The following WIPF3 variants were observed in gnomAD, a reference collection of about 807,000 sequenced individuals.
The protein encoded by WIPF3 is WAS/WASL interacting protein family member 3.
A neutral mutation model predicts 38.9 loss-of-function variants in WIPF3; 33 were observed. The observed-to-expected ratio is 0.85, with a 90% CI of 0.64 to 1.14. The LOEUF (loss-of-function observed/expected upper bound fraction) is 1.14. Ranked by LOEUF, WIPF3 falls within the 50% of genes most tolerant of loss-of-function variation. The pLI is 0.00. For synonymous variants in WIPF3, 324 were observed against 269.3 expected, an observed-to-expected ratio of 1.20 and a Z score of -1.99; for missense variants, 711 against 652.5, an observed-to-expected ratio of 1.09 and a Z score of -0.98.
intron 4 of WIPF3, among the ~76,000 whole-genome samples, chr7:29,879,884 C>T (rs1326993579): frequency 6.6e-6 from 1 of 152,130 alleles, no homozygotes; most frequent in Admixed American, 6.6e-5. Context: ...GGAAGTATTA[C>T]TAGGATGTAA....
chr7:29,876,071 T>C, intron 3 of WIPF3, 109 bp downstream of exon 3: 1 of 1,456,618 alleles, frequency 6.9e-7, no homozygotes, highest in Non-Finnish European at 9.3e-7. Context: ...AGGATGCATA[T>C]GGAGCCATCT....
At chr7:29,845,945 C>T (rs1784993163) in intron 2 of WIPF3, among the ~76,000 whole-genome samples, 1 of 152,190 alleles carries the variant, frequency 6.6e-6, no homozygotes, top group Non-Finnish European at 1.5e-5. Flanking sequence ...CCTTGAAAGC[C>T]AGAACAACAT....
chr7:29,892,722 G>A (rs1365312477), intron 7 of WIPF3, among the ~76,000 whole-genome samples: 7 of 152,200 alleles, frequency 4.6e-5, no homozygotes, highest in Admixed American at 2.0e-4. Context: ...GAGAACGGAC[G>A]TGATGAGATG....
chr7:29,814,423 G>A lies in WIPF3; in HGVS notation c.-58+7745G>A, dbSNP rs547430310. Reference sequence around the variant, plus strand: ...AACATTTATTGATTACCTGCTACTCGTGTTTATAGTTTTGTTGCATGGCTA... The same window carrying A: ...AACATTTATTGATTACCTGCTACTCATGTTTATAGTTTTGTTGCATGGCTA... On this transcript the variant is annotated intron_variant, in intron 1 of 8. Transcript: ENST00000242140. 7.2e-5 allele frequency among the ~76,000 whole-genome samples: 11 copies of A among 152,258 alleles called. No individual in the cohort carries two copies. In the South Asian group the frequency reaches 1.4e-3, roughly 20 times the overall value.
At chr7:29,877,538 T>G (rs1185801228) in intron 3 of WIPF3, among the ~76,000 whole-genome samples, 1 of 152,236 alleles carries the variant, frequency 6.6e-6, no homozygotes. Flanking sequence ...TGCCATATTT[T>G]TAACTGCTAA....
Position 29,846,356 on chromosome 7 carries a change from G to GT in WIPF3, c.90+11546dup, listed in dbSNP as rs1785000653. On this transcript the variant is annotated intron_variant, in intron 2 of 8. Coordinates refer to ENST00000242140, the MANE Select transcript of WIPF3 (RefSeq NM_001080529.3). ...GTTCACAATAGAGGAGTCTGAATGTGTTTTCAAGTTGGTTAAAGCAGGATG... is the reference window on the plus strand; with the variant it reads ...GTTCACAATAGAGGAGTCTGAATGTGTTTTTCAAGTTGGTTAAAGCAGGATG... Among the ~76,000 whole-genome samples, 3 of 152,334 alleles carry GT rather than the reference G, an allele frequency of 2.0e-5. No individual in the cohort carries two copies. In the South Asian group the frequency reaches 6.2e-4, roughly 32 times the overall value.
chr7:29,883,784 CGCCTACCT>C, intron 4 of WIPF3, 58 bp from the exon 5 acceptor site: 1 of 1,500,140 alleles, frequency 6.7e-7, no homozygotes, highest in Non-Finnish European at 8.9e-7. Flanking sequence ...TCCTGAGTGC[CGCCTACCT>C]GCGGGGGCTT....
chr7:29,848,491 G>A lies in WIPF3; in HGVS notation c.90+13677G>A, dbSNP rs190015372. Among the ~76,000 whole-genome samples, 370 of 152,258 alleles carry A rather than the reference G, an allele frequency of 2.4e-3. 2 individuals carry two copies. The highest frequency in any genetic ancestry group is 8.4e-3 in the African/African-American group (351 of 41,542). ...CAAGCCCCTCTCCAAAGCAAAGAAA[G>A]AAGTTCTTTAGGCCTTGTGGCAGCT... On this transcript the variant is annotated intron_variant, in intron 2 of 8. Coordinates refer to ENST00000242140, the MANE Select transcript of WIPF3 (RefSeq NM_001080529.3).
intron 1 of WIPF3, among the ~76,000 whole-genome samples, chr7:29,812,715 T>G (rs751372950): frequency 2.0e-5 from 3 of 152,156 alleles, no homozygotes; most frequent in Non-Finnish European, 4.4e-5. Flanking sequence ...TCACTCAAAT[T>G]AGGGCTTCTG....
chr7:29,845,291 C>T (rs984728212), intron 2 of WIPF3, among the ~76,000 whole-genome samples: 12 of 152,162 alleles, frequency 7.9e-5, no homozygotes, highest in Admixed American at 6.5e-5. Context: ...GCTAGCAGTG[C>T]GGGGCACATA....
chr7:29,912,225 G>T (rs184108968), intron 8 of WIPF3, among the ~76,000 whole-genome samples: 127 of 152,260 alleles, frequency 8.3e-4, no homozygotes, highest in African/African-American at 2.9e-3. Context: ...ATTACAATGA[G>T]ATACCACCTC....
intron 7 of WIPF3, among the ~76,000 whole-genome samples, chr7:29,891,106 G>A (rs1292831835): frequency 6.9e-6 from 1 of 144,360 alleles, no homozygotes. Flanking sequence ...TCAGGTCGGG[G>A]GAACACGGGC....
intron 8 of WIPF3, among the ~76,000 whole-genome samples, chr7:29,906,693 G>A (rs890738482): frequency 6.6e-6 from 1 of 152,134 alleles, no homozygotes; most frequent in African/African-American, 2.4e-5. Context: ...GCTCAGTAAA[G>A]TAAGATGAAC....
intron 8 of WIPF3, among the ~76,000 whole-genome samples, chr7:29,908,908 C>CAAAA (rs59015755): frequency 2.4e-5 from 2 of 82,808 alleles, no homozygotes; most frequent in African/African-American, 4.2e-5. Flanking sequence ...AACTCCATCT[C>CAAAA]AAAAAAAAAA....
intron 1 of WIPF3, among the ~76,000 whole-genome samples, chr7:29,814,729 G>A (rs1349633347): frequency 6.6e-6 from 1 of 152,222 alleles, no homozygotes; most frequent in Admixed American, 6.5e-5. Flanking sequence ...TTATGTAAGT[G>A]ACAATCAGAA....
intron 2 of WIPF3, among the ~76,000 whole-genome samples, chr7:29,846,998 C>T (rs1562776457): frequency 6.6e-6 from 1 of 152,206 alleles, no homozygotes; most frequent in East Asian, 1.9e-4. Flanking sequence ...TCCTAGGGTA[C>T]ATTGCTCCTA....
chr7:29,838,765 T>C (rs1168336111), intron 2 of WIPF3, among the ~76,000 whole-genome samples: 1 of 152,152 alleles, frequency 6.6e-6, no homozygotes, highest in Non-Finnish European at 1.5e-5. Context: ...AAAGACATGT[T>C]AAGAACATTT....
chr7:29,836,626 C>T (rs1355734270), intron 2 of WIPF3, among the ~76,000 whole-genome samples: 6 of 152,142 alleles, frequency 3.9e-5, no homozygotes, highest in African/African-American at 1.4e-4. Context: ...AAATGGCTTA[C>T]GAGAACTAAA....
intron 1 of WIPF3, among the ~76,000 whole-genome samples, chr7:29,822,081 TATC>T (rs1323832053): frequency 3.3e-5 from 5 of 151,624 alleles, no homozygotes; most frequent in Non-Finnish European, 2.9e-5. Context: ...GTTCTTTACT[TATC>T]ATCGTTCTTT....
Sources: gnomAD v4.1 joint callset for allele counts (sites outside exome capture counted in the v4.1 genomes callset) on GRCh38, gnomAD v4.1.1 for gene constraint, MANE v1.5 for transcripts, NCBI Gene and HGNC (gene_info 2026-07-23, HGNC 2026-07-21) for gene names.